Variants in NLGN1 observed in about 807,000 individuals in gnomAD.
NLGN1 encodes the protein neuroligin-1.
In NLGN1, 12 loss-of-function variants were observed where a neutral mutation model predicts 65.5. The observed-to-expected ratio is 0.18, with a 90% confidence interval of 0.12 to 0.30. The LOEUF (loss-of-function observed/expected upper bound fraction) is 0.30, where lower values mean the gene tolerates loss of function less well. Among genes scored for constraint, NLGN1 ranks in the 10% least tolerant of loss-of-function variants. NLGN1 has a pLI of 1.00. For synonymous variants in NLGN1, 350 were observed against 359.5 expected (o/e 0.97, Z 0.30); for missense variants, 750 against 1,007.1 (o/e 0.74, Z 3.46).
At chr3:173,990,942 T>C (rs1476369132) in intron 4 of NLGN1, among the ~76,000 whole-genome samples, 1 of 152,154 alleles carries the variant, frequency 6.6e-6, no homozygotes, top group African/African-American at 2.4e-5. Flanking sequence ...ACATCAAAAT[T>C]TAGCAGAAGG....
intron 4 of NLGN1, among the ~76,000 whole-genome samples, chr3:173,960,097 A>G (rs1713166844): frequency 6.6e-6 from 1 of 152,044 alleles, no homozygotes; most frequent in African/African-American, 2.4e-5. Flanking sequence ...AGTTTTGTGT[A>G]TTACTTTTTC....
chr3:173,750,378 A>G (rs1776156981), intron 3 of NLGN1, among the ~76,000 whole-genome samples: 1 of 152,096 alleles, frequency 6.6e-6, no homozygotes, highest in African/African-American at 2.4e-5. Context: ...AAGTCAGATA[A>G]TGAAGTTTCT....
intron 4 of NLGN1, among the ~76,000 whole-genome samples, chr3:173,871,094 C>T (rs1249819868): frequency 6.6e-6 from 1 of 152,118 alleles, no homozygotes; most frequent in Non-Finnish European, 1.5e-5. Flanking sequence ...CACGATGAAG[C>T]TTCTATTAAA....
chr3:174,142,631 T>C (rs1335037293), intron 4 of NLGN1, among the ~76,000 whole-genome samples: 1 of 151,664 alleles, frequency 6.6e-6, no homozygotes, highest in East Asian at 1.9e-4. Flanking sequence ...TGGCGTATTC[T>C]AGGAAGAGAA....
chr3:174,086,603 A>T (rs1743450626), intron 4 of NLGN1, among the ~76,000 whole-genome samples: 1 of 151,716 alleles, frequency 6.6e-6, no homozygotes, highest in Non-Finnish European at 1.5e-5. Context: ...GTTACTTAAG[A>T]TGATTGGAAA....
chr3:174,066,906 C>T (rs1345899420), intron 4 of NLGN1, among the ~76,000 whole-genome samples: 1 of 151,968 alleles, frequency 6.6e-6, no homozygotes, highest in African/African-American at 2.4e-5. Context: ...CAAATATTCT[C>T]AATGAAACTA....
chr3:173,518,126 C>A (rs986905678), intron 2 of NLGN1, among the ~76,000 whole-genome samples: 5 of 152,194 alleles, frequency 3.3e-5, no homozygotes, highest in African/African-American at 1.2e-4. Flanking sequence ...AGATCTTCAA[C>A]TGCCTTCAGG....
At chr3:174,111,207 G>A (rs1049472294) in intron 4 of NLGN1, among the ~76,000 whole-genome samples, 6 of 151,910 alleles carry the variant, frequency 3.9e-5, no homozygotes, top group African/African-American at 1.4e-4. Flanking sequence ...ATACTCCACA[G>A]TATGGCTACA....
intron 2 of NLGN1, among the ~76,000 whole-genome samples, chr3:173,437,835 C>T (rs566054): frequency 0.17 from 24,990 of 151,022 alleles, 2,432 homozygotes; most frequent in African/African-American, 0.27. Flanking sequence ...TATTGTGTTA[C>T]AGACAAAGGT....
intron 4 of NLGN1, among the ~76,000 whole-genome samples, chr3:174,136,005 C>T (rs986914290): frequency 3.3e-5 from 5 of 152,134 alleles, no homozygotes; most frequent in African/African-American, 1.2e-4. Flanking sequence ...CTTCTTCTTT[C>T]TGCCTGAACA....
At chr3:174,130,070 T>A (rs1233007150) in intron 4 of NLGN1, among the ~76,000 whole-genome samples, 1 of 152,220 alleles carries the variant, frequency 6.6e-6, no homozygotes, top group Non-Finnish European at 1.5e-5. Context: ...AGCACTATCC[T>A]GAGATCAAAT....
At chr3:173,745,415 T>A (rs2150125750) in intron 3 of NLGN1, among the ~76,000 whole-genome samples, 1 of 152,282 alleles carries the variant, frequency 6.6e-6, no homozygotes, top group East Asian at 1.9e-4. Flanking sequence ...AATTTACTAA[T>A]TTAATTAAAT....
rs77211227 is a variant in NLGN1 at position 173,667,677 on chromosome 3, C to T, written c.493+62586C>T. ...TCAAGTCTCACTCTGTTGCCCAGGCCGGAGTACAGTGGCTTGATCTTGGCT... is the reference window on the plus strand; with the variant it reads ...TCAAGTCTCACTCTGTTGCCCAGGCTGGAGTACAGTGGCTTGATCTTGGCT... On this transcript the variant is annotated intron_variant, in intron 3 of 6. Transcript: ENST00000457714. Among the ~76,000 whole-genome samples the T allele has an allele frequency of 1.7e-3, 258 of 152,090 alleles. 2 individuals are homozygous for T. The highest frequency in any genetic ancestry group is 1.8e-3 in the Non-Finnish European group (125 of 68,004).
At chr3:173,570,598 G>A (rs1035612764) in intron 2 of NLGN1, among the ~76,000 whole-genome samples, 4 of 152,066 alleles carry the variant, frequency 2.6e-5, no homozygotes, top group Non-Finnish European at 5.9e-5. Flanking sequence ...CCCCCAATGG[G>A]TGCTGGTGGG....
intron 4 of NLGN1, among the ~76,000 whole-genome samples, chr3:174,236,325 T>C (rs16858295): frequency 0.05 from 7,641 of 152,158 alleles, 625 homozygotes; most frequent in African/African-American, 0.17. Flanking sequence ...TTTTCCTACC[T>C]AGTCTGTTAA....
intron 4 of NLGN1, among the ~76,000 whole-genome samples, chr3:174,157,968 T>C (rs1246007398): frequency 2.0e-5 from 3 of 151,800 alleles, no homozygotes; most frequent in African/African-American, 7.2e-5. Flanking sequence ...AAAAATTACT[T>C]ATTTTCTTCT....
At chr3:173,917,212 A>G (rs1740914006) in intron 4 of NLGN1, among the ~76,000 whole-genome samples, 1 of 152,200 alleles carries the variant, frequency 6.6e-6, no homozygotes, top group Admixed American at 6.5e-5. Flanking sequence ...AAGGGATTTC[A>G]TGGATTTTAT....
At chr3:174,040,188 A>T (rs1390963103) in intron 4 of NLGN1, among the ~76,000 whole-genome samples, 1 of 151,658 alleles carries the variant, frequency 6.6e-6, no homozygotes, top group African/African-American at 2.4e-5. Context: ...CTCTTTTCAG[A>T]GAAAAGGGAC....
intron 3 of NLGN1, among the ~76,000 whole-genome samples, chr3:173,701,958 G>T (rs1257071099): frequency 3.3e-5 from 5 of 152,114 alleles, no homozygotes; most frequent in African/African-American, 1.2e-4. Flanking sequence ...AAGAGTTTTC[G>T]GCCGGGCGCG....
Sources: allele counts gnomAD v4.1 joint callset (sites outside exome capture counted in the v4.1 genomes callset), GRCh38; gene constraint gnomAD v4.1.1; transcripts MANE v1.5; gene names NCBI Gene and HGNC (gene_info 2026-07-23, HGNC 2026-07-21).